RBM39: variants seen among roughly 807,000 people sequenced by gnomAD.
The protein encoded by RBM39 is RNA-binding protein 39.
A neutral mutation model predicts 79.6 loss-of-function variants in RBM39; 12 were observed. The ratio of observed to expected loss-of-function variants is 0.15; its 90% CI spans 0.10 to 0.24. The LOEUF (loss-of-function observed/expected upper bound fraction) is 0.24. RBM39 is among the 10% of genes least tolerant of loss of function. The pLI, the probability that RBM39 is intolerant of heterozygous loss-of-function variation, is 1.00. For synonymous variants in RBM39, 185 were observed against 208.4 expected, an observed-to-expected ratio of 0.89 and a Z score of 0.97; for missense variants, 243 against 653.4, an observed-to-expected ratio of 0.37 and a Z score of 6.85.
At chr20:35,734,705 G>T in intron 3 of RBM39, 1 of 813,948 alleles carries the variant, frequency 1.2e-6, no homozygotes, top group Non-Finnish European at 1.7e-6. Flanking sequence ...CACATCTGAA[G>T]GCAACCCCAG....
At chr20:35,725,982 G>A (rs957821818) in intron 6 of RBM39, among the ~76,000 whole-genome samples, 1 of 151,664 alleles carries the variant, frequency 6.6e-6, no homozygotes, top group Non-Finnish European at 1.5e-5. Flanking sequence ...CCCATTTTCA[G>A]TAAGATCTAT....
In RBM39 at chr20:35,702,125, A is replaced by C. The variant is rs1392572289; in HGVS notation, c.*2356T>G. The C allele has an allele frequency of 6.6e-6, 1 of 152,242 alleles. No homozygotes were observed. Among genetic ancestry groups the C allele is most frequent in the African/African-American group, 2.4e-5 (1 of 41,460 alleles). 9.4% of individuals were successfully genotyped at this position (152,242 alleles called of 1,614,324 possible). On this transcript the variant is annotated 3_prime_UTR_variant, in exon 17 of 17. Transcript: ENST00000253363. ...TCCATCTCACCTGCCCAGGCCACGC[A>C]GACCCTGGAGTTACTAACCCGCATT...
intron 9 of RBM39, among the ~76,000 whole-genome samples, chr20:35,719,816 G>A (rs374364364): frequency 7.9e-5 from 12 of 151,470 alleles, no homozygotes; most frequent in Middle Eastern, 3.4e-3. Flanking sequence ...CTTTTCTTTC[G>A]GAGACACTCT....
At chr20:35,711,538 G>A (rs1275139305) in intron 12 of RBM39, among the ~76,000 whole-genome samples, 1 of 152,128 alleles carries the variant, frequency 6.6e-6, no homozygotes, top group Non-Finnish European at 1.5e-5. Context: ...AACTGGCTTC[G>A]CTGTCAGAAA....
Position 35,716,825 on chromosome 20 carries a change from T to C in RBM39, c.826-20A>G. On this transcript the variant is annotated intron_variant, in intron 9 of 16. Coordinates refer to ENST00000253363, the MANE Select transcript of RBM39 (RefSeq NM_184234.3). The stretch of plus-strand genomic sequence containing the variant: ...TTCAATCTATAATTGAAAAGCATAA[T>C]TACTATAACTTAAAAGCAGAGTACA... 1 of 1,540,968 alleles carries C rather than the reference T, an allele frequency of 6.5e-7. No individual in the cohort carries two copies. Among genetic ancestry groups the C allele is most frequent in the Non-Finnish European group, 8.9e-7 (1 of 1,125,544 alleles).
At chr20:35,708,322 G>A (rs1600386587) in intron 13 of RBM39, among the ~76,000 whole-genome samples, 1 of 151,842 alleles carries the variant, frequency 6.6e-6, no homozygotes, top group East Asian at 1.9e-4. Context: ...AAAAAAACTA[G>A]AAAGTCTAAA....
In RBM39 at chr20:35,732,008, T is replaced by C; in HGVS notation, c.229A>G (p.Lys77Glu). 2 of 1,614,194 alleles carry C rather than the reference T, an allele frequency of 1.2e-6. No individual in the cohort carries two copies. Among genetic ancestry groups the C allele is most frequent in the Non-Finnish European group, 1.7e-6 (2 of 1,180,034 alleles). ...KSRERKRSRS[K>E]ERRRSRSRSR... is the part of the protein sequence containing the mutation. ...CTTGAGCGGCTCCGTCGCCTCTCTTTGCTTCTACTTCGCTTTCTTTCACGG... is the reference window on the plus strand; with the variant it reads ...CTTGAGCGGCTCCGTCGCCTCTCTTCGCTTCTACTTCGCTTTCTTTCACGG... The change falls in exon 4 of 17, where the codon AAA becomes GAA. Residue 77 changes from lysine to glutamate, a missense_variant. Lys to Glu is a moderately conservative substitution (Grantham distance 56). This residue lies in a region of RBM39 where 115 missense variants were observed against 184.1 expected (regional missense o/e 0.62). Transcript: ENST00000253363.
At chr20:35,731,109 G>A (rs2039321780) in intron 4 of RBM39, among the ~76,000 whole-genome samples, 1 of 151,990 alleles carries the variant, frequency 6.6e-6, no homozygotes, top group Non-Finnish European at 1.5e-5. Flanking sequence ...AAGTGATTCG[G>A]GTCTGTTTGT....
At chr20:35,732,716 G>C (rs1322553434) in intron 3 of RBM39, 2 of 152,962 alleles carry the variant, frequency 1.3e-5, no homozygotes, top group African/African-American at 4.8e-5. Context: ...AAAAGGGCTT[G>C]TTGGCAAATA....
intron 6 of RBM39, among the ~76,000 whole-genome samples, chr20:35,725,471 G>T (rs1192905096): frequency 6.6e-6 from 1 of 152,056 alleles, no homozygotes; most frequent in Non-Finnish European, 1.5e-5. Flanking sequence ...CATAGCTACG[G>T]CATTTCACCA....
rs2036640190 is a variant in RBM39, at chr20:35,713,092, T to C, written c.1101A>G (p.Thr367=). 6.2e-7 allele frequency: 1 copy of C among 1,612,886 alleles called. No individual in the cohort carries two copies. The highest frequency in any genetic ancestry group is 8.5e-7 in the Non-Finnish European group (1 of 1,179,328). ...LQLMARLAEG[T]GLQIPPAAQQ... ...GTGCTGCTGGCGGAATCTGCAAACC[T>C]GTACCTGTAAAAGAATAGTCTTAAA... is the stretch of plus-strand genomic sequence containing the variant. The change falls in exon 12 of 17, where the codon ACA becomes ACG. Residue 367 remains threonine, a synonymous_variant. Coordinates refer to ENST00000253363, the MANE Select transcript of RBM39 (RefSeq NM_184234.3).
At chr20:35,730,986 G>T (rs1298630855) in intron 4 of RBM39, among the ~76,000 whole-genome samples, 2 of 152,098 alleles carry the variant, frequency 1.3e-5, no homozygotes, top group African/African-American at 4.8e-5. Context: ...AGTCCTCTGA[G>T]CACTTTACAT....
intron 13 of RBM39, 124 bp downstream of exon 13, chr20:35,709,100 C>A: frequency 1.4e-6 from 1 of 740,146 alleles, no homozygotes; most frequent in Non-Finnish European, 2.2e-6. Flanking sequence ...CACTATGTGT[C>A]ACTGTGTCAA....
chr20:35,736,754 G>A (rs2039964850), intron 3 of RBM39: 3 of 349,268 alleles, frequency 8.6e-6, no homozygotes, highest in Non-Finnish European at 1.7e-5. Flanking sequence ...AGGTTCAAGC[G>A]ATTCTCCTGC....
intron 9 of RBM39, chr20:35,720,015 TC>T: frequency 3.8e-6 from 1 of 261,262 alleles, no homozygotes; most frequent in Non-Finnish European, 8.2e-6. Flanking sequence ...ACTCCTGACC[TC>T]AAGCGATCCA....
intron 1 of RBM39, among the ~76,000 whole-genome samples, chr20:35,741,270 G>C (rs988444629): frequency 6.6e-6 from 1 of 151,608 alleles, no homozygotes; most frequent in South Asian, 2.1e-4. Context: ...CTAACCTCAA[G>C]TGATCCGCCT....
In RBM39 at chr20:35,721,991, A is replaced by G. The variant is rs1600500757; in HGVS notation, c.688-114T>C. On this transcript the variant is annotated intron_variant, in intron 8 of 16. Transcript: ENST00000253363. ...TTTAGAGTGATAAAAATACTACCCT[A>G]CGTAAGTCAGATACTACATATCAAC... 3.3e-6 allele frequency: 4 copies of G among 1,228,236 alleles called. No homozygotes were observed. The South Asian group carries it at 4.3e-5, about 13-fold the overall frequency. The allele number at this position is 1,228,236 out of a possible 1,614,324, so 76.1% of individuals were successfully genotyped here.
rs1271459410 is a variant in RBM39 at position 35,703,298 on chromosome 20, T to A, written c.*1183A>T. The A allele has an allele frequency of 6.6e-6, 1 of 152,224 alleles. No homozygotes were observed. The highest frequency in any genetic ancestry group is 1.9e-4 in the East Asian group (1 of 5,204). The allele number at this position is 152,224 out of a possible 1,614,324, so 9.4% of individuals were successfully genotyped here. A position where few individuals can be genotyped will look rare whatever the true frequency, so the allele number is the denominator to read the frequency against. On this transcript the variant is annotated 3_prime_UTR_variant, in exon 17 of 17. Coordinates refer to ENST00000253363, the MANE Select transcript of RBM39 (RefSeq NM_184234.3). ...TGAAGTTAAGCCATTTTGTTAAGTATGTATTGTAAATGGTGAAAATTTCTT... is the reference window on the plus strand; with the variant it reads ...TGAAGTTAAGCCATTTTGTTAAGTAAGTATTGTAAATGGTGAAAATTTCTT...
At chr20:35,713,252 C>A in intron 11 of RBM39, 156 bp from the exon 12 acceptor site, 1 of 548,012 alleles carries the variant, frequency 1.8e-6, no homozygotes, top group Non-Finnish European at 3.2e-6. Context: ...TCTGGGAGGC[C>A]AAGGGAGGTG....
Sources: gnomAD v4.1 joint callset for allele counts (sites outside exome capture counted in the v4.1 genomes callset) on GRCh38, gnomAD v4.1.1 for gene constraint, gnomAD v4.1.1 regional missense constraint, MANE v1.5 for transcripts, NCBI Gene and HGNC (gene_info 2026-07-23, HGNC 2026-07-21) for gene names.